TOR1AIP1: variants seen among roughly 807,000 people sequenced by gnomAD.
TOR1AIP1 encodes the protein torsin 1A interacting protein 1.
TOR1AIP1 carries 54 observed loss-of-function variants against 63.3 expected under a neutral mutation model. That is an observed-to-expected ratio of 0.85 (90% CI 0.69 to 1.07). The LOEUF is 1.07. Ranked by LOEUF, TOR1AIP1 falls within the 50% of genes least tolerant of loss-of-function variation. The pLI, the probability that TOR1AIP1 is intolerant of heterozygous loss-of-function variation, is 0.00. For synonymous variants in TOR1AIP1, 294 were observed against 273.5 expected (o/e 1.07, Z -0.74); for missense variants, 736 against 715.0 (o/e 1.03, Z -0.33).
At chr1:179,887,398 A>G (rs998565571) in intron 2 of TOR1AIP1, among the ~76,000 whole-genome samples, 2 of 145,212 alleles carry the variant, frequency 1.4e-5, no homozygotes, top group African/African-American at 5.0e-5. Flanking sequence ...GAGTCCGTCT[A>G]AAAAAAAAAA....
rs752963545 is a variant in TOR1AIP1 at position 179,882,928 on chromosome 1, G to A, written c.426G>A (p.Pro142=). 1.2e-6 allele frequency: 2 copies of A among 1,614,014 alleles called. No homozygotes were observed. Among genetic ancestry groups the A allele is most frequent in the Non-Finnish European group, 1.7e-6 (2 of 1,179,994 alleles). Residue 142 remains proline (P), a synonymous_variant, in exon 1 of 10, where the codon CCG becomes CCA. Transcript: ENST00000606911. The part of the protein sequence containing the change: ...QQHSEQPPLQ[P]SPVMTRRGLR... ...ACTCAGAGCAGCCTCCGCTACAGCC[G>A]TCTCCTGTTATGACCAGGAGAGGGC... is the stretch of plus-strand genomic sequence containing the variant.
chr1:179,891,934 G>A (rs1341413031), intron 3 of TOR1AIP1, among the ~76,000 whole-genome samples: 2 of 152,268 alleles, frequency 1.3e-5, no homozygotes, highest in South Asian at 2.1e-4. Flanking sequence ...GCTGTAATAC[G>A]TTCGTTGAAC....
At chr1:179,912,086 G>A (rs1247031261) in intron 8 of TOR1AIP1, among the ~76,000 whole-genome samples, 1 of 140,384 alleles carries the variant, frequency 7.1e-6, no homozygotes, top group Non-Finnish European at 1.5e-5. Flanking sequence ...GTGCAGTGGC[G>A]TGATCTCAGC....
chr1:179,901,746 A>G (rs528982679), intron 5 of TOR1AIP1, among the ~76,000 whole-genome samples: 1 of 152,266 alleles, frequency 6.6e-6, no homozygotes, highest in South Asian at 2.1e-4. Flanking sequence ...ATTTAATTAT[A>G]TAACTAGCTT....
chr1:179,883,050 A>G, intron 1 of TOR1AIP1, 73 bp downstream of exon 1: 1 of 1,353,720 alleles, frequency 7.4e-7, no homozygotes, highest in Non-Finnish European at 1.0e-6. Flanking sequence ...GCCTCGGTGG[A>G]GCTCATGCCC....
intron 1 of TOR1AIP1, chr1:179,883,519 C>T: frequency 2.4e-6 from 1 of 420,068 alleles, no homozygotes; most frequent in South Asian, 1.7e-5. Flanking sequence ...GATTTGAGAC[C>T]TCACCCAATA....
At chr1:179,890,548 G>C (rs781325326) in intron 3 of TOR1AIP1, among the ~76,000 whole-genome samples, 1 of 151,984 alleles carries the variant, frequency 6.6e-6, no homozygotes, top group Non-Finnish European at 1.5e-5. Context: ...TTGCAGATTC[G>C]ACATACAAAA....
rs1647860167 is a variant in TOR1AIP1 at position 179,884,678 on chromosome 1, T to C, written c.476-14T>C. The stretch of plus-strand genomic sequence containing the variant: ...ATATTCTGAATTTTAACTCTTGTTA[T>C]GTCTGTTTTTTAGAGGATGAAGCAT... On this transcript the variant is annotated splice_polypyrimidine_tract_variant and intron_variant, in intron 1 of 9. Transcript: ENST00000606911. The C allele has an allele frequency of 1.9e-6, 3 of 1,599,560 alleles. No individual in the cohort carries two copies. The highest frequency in any genetic ancestry group is 2.6e-6 in the Non-Finnish European group (3 of 1,173,702).
intron 8 of TOR1AIP1, among the ~76,000 whole-genome samples, chr1:179,911,083 C>T (rs1648819036): frequency 6.6e-6 from 1 of 152,162 alleles, no homozygotes; most frequent in Admixed American, 6.5e-5. Flanking sequence ...ATATAGATAA[C>T]CACATTGAGC....
chr1:179,889,143 A>G (rs965032467), intron 2 of TOR1AIP1, among the ~76,000 whole-genome samples, 170 bp from the exon 3 acceptor site: 2 of 152,236 alleles, frequency 1.3e-5, no homozygotes. Flanking sequence ...CTAGTTCACT[A>G]TCATCACTAG....
At chr1:179,894,031 A>T (rs1454956900) in intron 3 of TOR1AIP1, among the ~76,000 whole-genome samples, 1 of 151,946 alleles carries the variant, frequency 6.6e-6, no homozygotes, top group Non-Finnish European at 1.5e-5. Context: ...TGGGAGGCAG[A>T]GGCGGGCGGA....
chr1:179,889,335 G>T lies in TOR1AIP1; in HGVS notation c.576G>T (p.Arg192Ser), dbSNP rs146164995. 1 of 1,607,468 alleles carries T rather than the reference G, an allele frequency of 6.2e-7. No homozygotes were observed. The highest frequency in any genetic ancestry group is 8.5e-7 in the Non-Finnish European group (1 of 1,175,384). Residue 192 changes from arginine to serine, a missense_variant, in exon 3 of 10, where the codon AGG becomes AGT. Physicochemically the swap from Arg to Ser is moderately radical, Grantham distance 110 (BLOSUM62 -1). Around this residue, in one of 2 missense-constraint regions of TOR1AIP1, gnomAD observed 464 missense variants for 371.0 expected, o/e 1.25. Coordinates refer to ENST00000606911, the MANE Select transcript of TOR1AIP1 (RefSeq NM_015602.4). Reference protein sequence around the residue: ...EAPVSEDLVIRLRRPPLRYPR... With the variant: ...EAPVSEDLVISLRRPPLRYPR... ...CAGTGAGTGAAGATCTTGTAATCAG[G>T]TTACGTCGACCCCCTCTAAGATACC...
rs978903597 is a variant in TOR1AIP1, at chr1:179,905,960, A to C, written c.797-1863A>C. On this transcript the variant is annotated intron_variant, in intron 6 of 9. Transcript: ENST00000606911. ...AGGGCAAGACTCCATCTCAAAAAAAAAGAAATACTATTTAGAAATGAAAAA... is the reference window on the plus strand; with the variant it reads ...AGGGCAAGACTCCATCTCAAAAAAACAGAAATACTATTTAGAAATGAAAAA... Among the ~76,000 whole-genome samples, 162 of 152,292 alleles carry C rather than the reference A, an allele frequency of 1.1e-3. 1 individual carries two copies. Among genetic ancestry groups the C allele is most frequent in the Non-Finnish European group, 1.3e-3 (86 of 68,020 alleles).
chr1:179,915,766 AAAAG>A (rs1648969119), intron 9 of TOR1AIP1, among the ~76,000 whole-genome samples: 1 of 152,222 alleles, frequency 6.6e-6, no homozygotes, highest in African/African-American at 2.4e-5. Flanking sequence ...TCAGAAAAAA[AAAAG>A]AAAGTGTTAA....
intron 1 of TOR1AIP1, chr1:179,883,552 C>G (rs926664302): frequency 2.0e-5 from 9 of 451,060 alleles, no homozygotes; most frequent in Admixed American, 1.9e-4. Flanking sequence ...TGGGGTAACT[C>G]ATTTTTCCTG....
chr1:179,900,897 G>A (rs1648435378), intron 4 of TOR1AIP1, among the ~76,000 whole-genome samples: 1 of 152,066 alleles, frequency 6.6e-6, no homozygotes, highest in Admixed American at 6.6e-5. Flanking sequence ...GTGTGCAGGT[G>A]TGTGTACACT....
At chr1:179,891,722 C>T (rs1018807296) in intron 3 of TOR1AIP1, among the ~76,000 whole-genome samples, 3 of 152,038 alleles carry the variant, frequency 2.0e-5, no homozygotes, top group South Asian at 2.1e-4. Context: ...ACCACCATGA[C>T]ACCCAGCTAA....
At chr1:179,897,987 A>G (rs900376751) in intron 3 of TOR1AIP1, among the ~76,000 whole-genome samples, 1 of 152,146 alleles carries the variant, frequency 6.6e-6, no homozygotes, top group Non-Finnish European at 1.5e-5. Context: ...CTGTAGTCCC[A>G]ACTACTCAGG....
chr1:179,903,446 A>T (rs1424544357), intron 5 of TOR1AIP1, among the ~76,000 whole-genome samples: 1 of 151,980 alleles, frequency 6.6e-6, no homozygotes, highest in Admixed American at 6.6e-5. Flanking sequence ...GTATCATAAC[A>T]ATTTTTTAAG....
Sources: gnomAD v4.1 joint callset for allele counts (sites outside exome capture counted in the v4.1 genomes callset) on GRCh38, gnomAD v4.1.1 for gene constraint, gnomAD v4.1.1 regional missense constraint, MANE v1.5 for transcripts, NCBI Gene and HGNC (gene_info 2026-07-23, HGNC 2026-07-21) for gene names.